Variants in FARS2 observed in about 807,000 individuals in gnomAD.
FARS2 encodes phenylalanine--tRNA ligase, mitochondrial.
In FARS2, 40 loss-of-function variants were observed where a neutral mutation model predicts 46.4. The observed-to-expected ratio is 0.86, with a 90% CI of 0.67 to 1.12. FARS2 has a LOEUF of 1.12. Among genes scored for constraint, FARS2 ranks in the 50% most tolerant of loss-of-function variants. The pLI, the probability that FARS2 is intolerant of heterozygous loss-of-function variation, is 0.00. For missense variants in FARS2, 513 were observed against 567.9 expected (o/e 0.90, Z 0.98); for synonymous variants, 234 against 214.9 (o/e 1.09, Z -0.78).
At chr6:5,333,851 A>G (rs542575082) in intron 1 of FARS2, among the ~76,000 whole-genome samples, 1 of 152,300 alleles carries the variant, frequency 6.6e-6, no homozygotes, top group East Asian at 1.9e-4. Flanking sequence ...CATCTACTGC[A>G]TCATCCCTGT....
intron 1 of FARS2, among the ~76,000 whole-genome samples, chr6:5,302,729 T>G (rs1355661153): frequency 5.3e-5 from 8 of 152,212 alleles, no homozygotes; most frequent in South Asian, 4.1e-4. Context: ...CCTGACTGTG[T>G]GGGGGGCTAT....
chr6:5,414,485 T>C (rs957509989), intron 3 of FARS2, among the ~76,000 whole-genome samples: 10 of 152,208 alleles, frequency 6.6e-5, no homozygotes, highest in African/African-American at 2.4e-4. Context: ...GTTACCATTT[T>C]CTAGATTTAT....
At chr6:5,437,318 A>G (rs956316074) in intron 4 of FARS2, among the ~76,000 whole-genome samples, 1 of 152,206 alleles carries the variant, frequency 6.6e-6, no homozygotes, top group Non-Finnish European at 1.5e-5. Flanking sequence ...CTCTAGAAGC[A>G]AAAAGCCTAT....
At chr6:5,729,647 C>T (rs1471823930) in intron 6 of FARS2, among the ~76,000 whole-genome samples, 1 of 152,198 alleles carries the variant, frequency 6.6e-6, no homozygotes, top group Non-Finnish European at 1.5e-5. Context: ...CTGCCTTTCC[C>T]TCTTCTTTCC....
chr6:5,569,812 G>A (rs1772537221), intron 5 of FARS2, among the ~76,000 whole-genome samples: 1 of 152,124 alleles, frequency 6.6e-6, no homozygotes, highest in Admixed American at 6.5e-5. Flanking sequence ...AGCAAGCACT[G>A]GCATGGGTTG....
chr6:5,401,488 A>G (rs946805938), intron 2 of FARS2, among the ~76,000 whole-genome samples: 3 of 152,194 alleles, frequency 2.0e-5, no homozygotes, highest in African/African-American at 7.2e-5. Flanking sequence ...GTCAGAACAT[A>G]TAACAATTGG....
At chr6:5,466,534 GT>G in intron 4 of FARS2, 4 of 985,164 alleles carry the variant, frequency 4.1e-6, no homozygotes, top group Non-Finnish European at 4.8e-6. Context: ...CTCATTGGAA[GT>G]TTTGTTTGTT....
intron 6 of FARS2, among the ~76,000 whole-genome samples, chr6:5,614,411 C>CTTTTTTTTTTTTTTTTTT (rs199992978): frequency 1.4e-5 from 2 of 139,482 alleles, no homozygotes; most frequent in African/African-American, 5.4e-5. Flanking sequence ...CCTTCTTTGT[C>CTTTTTTTTTTTTTTTTTT]TTTTTTTTTT....
chr6:5,493,649 G>A (rs1673878107), intron 4 of FARS2, among the ~76,000 whole-genome samples: 1 of 152,172 alleles, frequency 6.6e-6, no homozygotes, highest in Non-Finnish European at 1.5e-5. Flanking sequence ...CTCTTAGACT[G>A]TTTCCTCATT....
Position 5,307,475 on chromosome 6 carries a change from G to C in FARS2, c.-22+45815G>C, listed in dbSNP as rs564984005. Among the ~76,000 whole-genome samples the C allele has an allele frequency of 2.6e-5, 4 of 152,242 alleles. No homozygotes were observed. In the South Asian group the frequency reaches 8.3e-4, roughly 32 times the overall value. On this transcript the variant is annotated intron_variant, in intron 1 of 6. Coordinates refer to ENST00000274680, the MANE Select transcript of FARS2 (RefSeq NM_006567.5). Reference sequence around the variant, plus strand: ...TTTCATAAGGTCTATGAGGCATTTTGATATTTTACACACACGCGTGCACAC... The same window carrying C: ...TTTCATAAGGTCTATGAGGCATTTTCATATTTTACACACACGCGTGCACAC...
At chr6:5,411,051 A>G (rs2127731312) in intron 3 of FARS2, among the ~76,000 whole-genome samples, 1 of 152,280 alleles carries the variant, frequency 6.6e-6, no homozygotes, top group East Asian at 1.9e-4. Context: ...AAGAAATCTT[A>G]TTAGTAATAT....
intron 4 of FARS2, among the ~76,000 whole-genome samples, chr6:5,518,258 C>T (rs1459768315): frequency 2.0e-5 from 3 of 148,380 alleles, no homozygotes; most frequent in Admixed American, 1.3e-4. Context: ...AGTAGTCAAA[C>T]GTGACTCTTG....
intron 1 of FARS2, among the ~76,000 whole-genome samples, chr6:5,309,285 G>A (rs1400862083): frequency 6.6e-6 from 1 of 152,090 alleles, no homozygotes; most frequent in Non-Finnish European, 1.5e-5. Context: ...GGAGATTCAA[G>A]GAGAAGGAGG....
rs749371645 is a variant in FARS2 at position 5,408,867 on chromosome 6, T to C, written c.772+4166T>C. On this transcript the variant is annotated intron_variant, in intron 3 of 6. Coordinates refer to ENST00000274680, the MANE Select transcript of FARS2 (RefSeq NM_006567.5). ...ACCAGACTGTGGCACCGTAGCCTTATTGGTGCTGATGGTGGCTTTCATATC... is the reference window on the plus strand; with the variant it reads ...ACCAGACTGTGGCACCGTAGCCTTACTGGTGCTGATGGTGGCTTTCATATC... Among the ~76,000 whole-genome samples, 6 of 152,184 alleles carry C rather than the reference T, an allele frequency of 3.9e-5. No individual in the cohort carries two copies. In the East Asian group the frequency reaches 5.8e-4, roughly 15 times the overall value.
intron 6 of FARS2, among the ~76,000 whole-genome samples, chr6:5,763,768 GT>G (rs77014974): frequency 0.2 from 13,278 of 65,340 alleles, 1,081 homozygotes; most frequent in East Asian, 0.51. Context: ...TTCCCTTTTG[GT>G]TTTTTTTTTT....
chr6:5,568,376 A>C (rs1483996573), intron 5 of FARS2, among the ~76,000 whole-genome samples: 2 of 152,190 alleles, frequency 1.3e-5, no homozygotes, highest in African/African-American at 4.8e-5. Flanking sequence ...TTAATTATTT[A>C]TAAAACATTT....
intron 1 of FARS2, among the ~76,000 whole-genome samples, chr6:5,270,823 C>G (rs1253928655): frequency 6.6e-6 from 1 of 152,166 alleles, no homozygotes; most frequent in Non-Finnish European, 1.5e-5. Context: ...TTCTTTAGTA[C>G]TCACCTCTTT....
rs555096870 is a variant in FARS2, at chr6:5,404,550, T to G, written c.621T>G (p.Ala207=). The G allele has an allele frequency of 3.5e-5, 55 of 1,589,604 alleles. No homozygotes were observed. In the African/African-American group the frequency reaches 4.0e-4, roughly 12 times the overall value. ...TTCCTGTTGGTTTACAGTTATTTGC[T>G]GGTATAAAGGATGGAGAAAGCCTGC... ...VRLFSKHELF[A]GIKDGESLQL... is the part of the protein sequence containing the mutation. The change falls in exon 3 of 7, where the codon GCT becomes GCG. Residue 207 remains alanine, a synonymous_variant. Transcript: ENST00000274680.
intron 1 of FARS2, among the ~76,000 whole-genome samples, chr6:5,354,233 A>G (rs1561979516): frequency 1.3e-5 from 2 of 152,110 alleles, no homozygotes; most frequent in Non-Finnish European, 2.9e-5. Flanking sequence ...TTCAGTTCTC[A>G]TGAGCTTAAT....
Sources: allele counts gnomAD v4.1 joint callset (sites outside exome capture counted in the v4.1 genomes callset), GRCh38; gene constraint gnomAD v4.1.1; transcripts MANE v1.5; gene names NCBI Gene and HGNC (gene_info 2026-07-23, HGNC 2026-07-21).